The following CACNA1C variants were observed in gnomAD, a reference collection of about 807,000 sequenced individuals.
CACNA1C encodes the protein voltage-dependent L-type calcium channel subunit alpha-1C.
CACNA1C carries 30 observed loss-of-function variants against 229.0 expected under a neutral mutation model. The ratio of observed to expected loss-of-function variants is 0.13; its 90% CI spans 0.10 to 0.18. The LOEUF (loss-of-function observed/expected upper bound fraction) is 0.18, where lower values mean the gene tolerates loss of function less well. CACNA1C is among the 10% of genes least tolerant of loss of function. The pLI is 1.00. For missense variants in CACNA1C, 1,658 were observed against 2,845.0 expected (o/e 0.58, Z 9.49); for synonymous variants, 1,114 against 1,132.5 (o/e 0.98, Z 0.33).
At chr12:2,169,907 C>G (rs1176627466) in intron 3 of CACNA1C, among the ~76,000 whole-genome samples, 3 of 152,216 alleles carry the variant, frequency 2.0e-5, no homozygotes, top group African/African-American at 7.2e-5. Context: ...TTACCTACTT[C>G]TGGTGCTCCA....
intron 3 of CACNA1C, among the ~76,000 whole-genome samples, chr12:2,136,166 C>G (rs944763022): frequency 6.6e-6 from 1 of 151,412 alleles, no homozygotes. Context: ...TGCTTTGGCT[C>G]GCGCACCCAC....
At chr12:2,533,148 A>G (rs1248295402) in intron 9 of CACNA1C, among the ~76,000 whole-genome samples, 1 of 152,174 alleles carries the variant, frequency 6.6e-6, no homozygotes, top group African/African-American at 2.4e-5. Context: ...TGGAATAATG[A>G]GAGTGACAGA....
chr12:2,628,602 G>A (rs1233964113), intron 29 of CACNA1C, among the ~76,000 whole-genome samples: 3 of 152,142 alleles, frequency 2.0e-5, no homozygotes, highest in South Asian at 2.1e-4. Context: ...GCAGAGCAAC[G>A]CTGGTAAATA....
rs777214799 is a variant in CACNA1C, at chr12:2,597,864, G to A, written c.2853+575G>A. On this transcript the variant is annotated intron_variant, in intron 21 of 46. Transcript: ENST00000399655. The surrounding 1 kb of genome is among the most constrained non-coding windows in gnomAD (Gnocchi z 4.3). The stretch of plus-strand genomic sequence containing the variant: ...CCGGTTAACTGATACCTGAGCCCAC[G>A]TAGGACTCTCCTTCCCTCCTCCTGC... 9.2e-5 allele frequency among the ~76,000 whole-genome samples: 14 copies of A among 152,206 alleles called. No homozygotes were observed. Among genetic ancestry groups the A allele is most frequent in the Non-Finnish European group, 1.6e-4 (11 of 68,034 alleles).
At position 1,971,490 on chromosome 12, in the gene CACNA1C, G is replaced by A. The variant is rs749837466; in HGVS notation, c.139+289G>A. Among the ~76,000 whole-genome samples, 9 of 152,256 alleles carry A rather than the reference G, an allele frequency of 5.9e-5. No individual in the cohort carries two copies. The highest frequency in any genetic ancestry group is 2.0e-4 in the Admixed American group (3 of 15,294). The stretch of plus-strand genomic sequence containing the variant: ...AATCTTTTACTTTCCTTTTAACTCC[G>A]TCAGTAAGATCAAGGAGATCAAAAT... On this transcript the variant is annotated intron_variant, in intron 1 of 46. Transcript: ENST00000682462. This position sits in a 1 kb window ranked among gnomAD's most constrained non-coding sequence, Gnocchi z 4.2.
chr12:2,444,622 G>A (rs2099260717), intron 3 of CACNA1C, among the ~76,000 whole-genome samples: 1 of 152,092 alleles, frequency 6.6e-6, no homozygotes, highest in African/African-American at 2.4e-5. Context: ...GTTCATAACT[G>A]ATGTCTCTAC....
At position 2,067,004 on chromosome 12, in the gene CACNA1C, G is replaced by T. The variant is rs1038501103; in HGVS notation, c.49+13393G>T. Among the ~76,000 whole-genome samples, 1 of 152,116 alleles carries T rather than the reference G, an allele frequency of 6.6e-6. No homozygotes were observed. Among genetic ancestry groups the T allele is most frequent in the East Asian group, 1.9e-4 (1 of 5,186 alleles). On this transcript the variant is annotated intron_variant, in intron 1 of 46. Coordinates refer to ENST00000399655, the MANE Select transcript of CACNA1C (RefSeq NM_000719.7). This position sits in a 1 kb window ranked among gnomAD's most constrained non-coding sequence, Gnocchi z 5.3. ...GACACCCAAAGAAATCCACAAGGGT[G>T]CCCAGGTCCCAGAGGCACCGGCCGA...
At chr12:2,257,020 A>G (rs1222726046) in intron 3 of CACNA1C, among the ~76,000 whole-genome samples, 1 of 152,196 alleles carries the variant, frequency 6.6e-6, no homozygotes, top group East Asian at 1.9e-4. Context: ...TGTAAACCCA[A>G]TCAGGACGGG....
chr12:2,121,858 A>C (rs141546118), intron 3 of CACNA1C, among the ~76,000 whole-genome samples: 20 of 152,296 alleles, frequency 1.3e-4, no homozygotes, highest in South Asian at 4.1e-4. Flanking sequence ...TTTAAAGAGG[A>C]GCCTTCGTTC....
At chr12:2,189,632 G>A (rs1015775388) in intron 3 of CACNA1C, among the ~76,000 whole-genome samples, 9 of 152,156 alleles carry the variant, frequency 5.9e-5, no homozygotes, top group African/African-American at 2.2e-4. Flanking sequence ...AACTATCAGC[G>A]TGTGGAGTGG....
At position 2,578,189 on chromosome 12, in the gene CACNA1C, G is replaced by A. The variant is rs2059260401; in HGVS notation, c.1896-3401G>A. On this transcript the variant is annotated intron_variant, in intron 13 of 46. Transcript: ENST00000399655. ...GGCCAGAAGTAATTATTCTTTGAGA[G>A]TAATGAGGGATAGAGCGGTGGCCAG... Among the ~76,000 whole-genome samples the A allele has an allele frequency of 2.6e-5, 4 of 152,338 alleles. 1 individual carries two copies. Among genetic ancestry groups the A allele is most frequent in the Non-Finnish European group, 1.5e-5 (1 of 68,030 alleles).
intron 1 of CACNA1C, among the ~76,000 whole-genome samples, chr12:2,098,179 A>T (rs1220022031): frequency 6.6e-6 from 1 of 152,186 alleles, no homozygotes; most frequent in Admixed American, 6.5e-5. Context: ...ATGAAGTTTG[A>T]TATTTACCAA....
chr12:1,977,403 CT>C (rs934842230), intron 1 of CACNA1C, among the ~76,000 whole-genome samples: 3 of 152,190 alleles, frequency 2.0e-5, no homozygotes, highest in African/African-American at 7.2e-5. Flanking sequence ...GTGACTCCTG[CT>C]TGATCACTCC....
intron 3 of CACNA1C, among the ~76,000 whole-genome samples, chr12:2,122,047 G>C (rs2087008379): frequency 6.6e-6 from 1 of 152,186 alleles, no homozygotes; most frequent in South Asian, 2.1e-4. Context: ...TGCTGAGCTA[G>C]AGGGAAGCCC....
intron 1 of CACNA1C, among the ~76,000 whole-genome samples, chr12:2,095,012 A>G (rs1565642220): frequency 1.3e-5 from 2 of 152,224 alleles, no homozygotes; most frequent in African/African-American, 4.8e-5. Context: ...GACTCTTGTC[A>G]CAACTCAGAG....
At chr12:2,163,493 G>A (rs553343922) in intron 3 of CACNA1C, among the ~76,000 whole-genome samples, 1 of 152,186 alleles carries the variant, frequency 6.6e-6, no homozygotes, top group South Asian at 2.1e-4. Context: ...TGATAGCCTA[G>A]GAACAAGATG....
intron 3 of CACNA1C, among the ~76,000 whole-genome samples, chr12:2,294,332 G>C (rs966977324): frequency 1.3e-5 from 2 of 152,004 alleles, no homozygotes; most frequent in East Asian, 1.9e-4. Flanking sequence ...TGAGGCACGG[G>C]TACGGTTGTG....
At chr12:2,079,691 A>AT (rs1351461295) in intron 1 of CACNA1C, among the ~76,000 whole-genome samples, 2 of 152,120 alleles carry the variant, frequency 1.3e-5, no homozygotes, top group African/African-American at 4.8e-5. Context: ...TTATATATAT[A>AT]TTTTTGCCTC....
intron 3 of CACNA1C, among the ~76,000 whole-genome samples, chr12:2,180,145 A>G (rs1236021000): frequency 6.6e-6 from 1 of 152,258 alleles, no homozygotes; most frequent in Non-Finnish European, 1.5e-5. Flanking sequence ...AGCACACGGT[A>G]GATGGATGGA....
Sources: allele counts gnomAD v4.1 joint callset (sites outside exome capture counted in the v4.1 genomes callset), GRCh38; gene constraint gnomAD v4.1.1; non-coding constraint Gnocchi (gnomAD v3.1); transcripts MANE v1.5; gene names NCBI Gene and HGNC (gene_info 2026-07-23, HGNC 2026-07-21).